Variants in CDKL5 observed in about 807,000 individuals in gnomAD.
The protein encoded by CDKL5 is cyclin-dependent kinase-like 5.
A neutral mutation model predicts 61.7 loss-of-function variants in CDKL5; 8 were observed. The observed-to-expected ratio is 0.13, with a 90% CI of 0.08 to 0.23. CDKL5 has a LOEUF of 0.23. Ranked by LOEUF, CDKL5 falls within the 10% of genes least tolerant of loss-of-function variation. The probability of loss-of-function intolerance (pLI) is 1.00; values close to 1 mark genes in which losing one functional copy is unlikely to be tolerated. For missense variants in CDKL5, 440 were observed against 734.5 expected, an observed-to-expected ratio of 0.60 and a Z score of 4.63; for synonymous variants, 275 against 272.3, an observed-to-expected ratio of 1.01 and a Z score of -0.10.
At chrX:18,575,569 C>T (rs1365985745) in intron 5 of CDKL5, 79 bp downstream of exon 5, 1 of 923,051 alleles carries the variant, frequency 1.1e-6, no homozygotes, top group African/African-American at 1.9e-5. Context: ...TAAGAAAGTA[C>T]TGTTATCTAA....
Position 18,634,028 on chromosome X carries a change from A to G in CDKL5, c.*5271A>G. Reference sequence around the variant, plus strand: ...GGGCCAGCAAAATTGCGGCAGTGAAACTAGTTTCACTTCTAAAGCCCTTCA... The same window carrying G: ...GGGCCAGCAAAATTGCGGCAGTGAAGCTAGTTTCACTTCTAAAGCCCTTCA... On this transcript the variant is annotated 3_prime_UTR_variant, in exon 18 of 18. Coordinates refer to ENST00000623535, the MANE Select transcript of CDKL5 (RefSeq NM_001323289.2). 1.3e-6 allele frequency: 1 copy of G among 753,984 alleles called. No individual in the cohort carries two copies. Among genetic ancestry groups the G allele is most frequent in the Non-Finnish European group, 1.6e-6 (1 of 639,292 alleles). 62.1% of individuals were successfully genotyped at this position (753,984 alleles called of 1,213,427 possible). A position where few individuals can be genotyped will look rare whatever the true frequency, so the allele number is the denominator to read the frequency against.
At chrX:18,536,432 G>GTTTTTTTTTTTTTTTTTTTTTTTTTTTTT (rs746308567) in intron 3 of CDKL5, among the ~76,000 whole-genome samples, 1 of 40,543 alleles carries the variant, frequency 2.5e-5, no homozygotes, top group African/African-American at 1.0e-4. Context: ...TTCAATACAG[G>GTTTTTTTTTTTTTTTTTTTTTTTTTTTTT]TTTTTTTTTT....
In CDKL5 at chrX:18,595,339, G is replaced by A. The variant is rs748712659; in HGVS notation, c.745-9G>A. 3 of 1,155,879 alleles carry A rather than the reference G, an allele frequency of 2.6e-6. No individual in the cohort carries two copies. Among genetic ancestry groups the A allele is most frequent in the South Asian group, 1.8e-5 (1 of 55,781 alleles). On this transcript the variant is annotated splice_polypyrimidine_tract_variant and intron_variant, in intron 9 of 17. Transcript: ENST00000623535. ...AAATGTTAACATTCCCTTTGTGTAT[G>A]TCTCACAGTTTCCAGCTGTTAACCA... is the stretch of plus-strand genomic sequence containing the variant.
Position 18,447,161 on chromosome X carries a change from C to T in CDKL5, c.-163+21466C>T, listed in dbSNP as rs766296735. Among the ~76,000 whole-genome samples the T allele has an allele frequency of 5.2e-4, 58 of 111,114 alleles. 1 individual carries two copies. The highest frequency in any genetic ancestry group is 9.8e-4 in the Non-Finnish European group (52 of 53,028). On this transcript the variant is annotated intron_variant, in intron 1 of 17. Transcript: ENST00000623535. The stretch of plus-strand genomic sequence containing the variant: ...TGATGCATGTGCTGCTAGCATCTAA[C>T]GGGTAGAGGCGTGTAGATATCCTAC...
downstream of CDKL5, chrX:18,641,890 G>T: frequency 2.4e-6 from 2 of 823,654 alleles, no homozygotes; most frequent in South Asian, 4.2e-5. Flanking sequence ...CAGCACTGCA[G>T]TTACAATTGC....
intron 3 of CDKL5, among the ~76,000 whole-genome samples, chrX:18,522,003 A>G (rs140845236): frequency 7.1e-4 from 79 of 111,799 alleles, no homozygotes; most frequent in African/African-American, 2.3e-3. Flanking sequence ...TTCTTTTTCA[A>G]TACTATTTTG....
intron 3 of CDKL5, among the ~76,000 whole-genome samples, chrX:18,518,385 C>CTTTTTTTTTTTTTTTTTTTTTTTTTTTT (rs1195931109): frequency 4.4e-5 from 1 of 22,794 alleles, no homozygotes; most frequent in African/African-American, 1.5e-4. Flanking sequence ...CTTTTCTTTT[C>CTTTTTTTTTTTTTTTTTTTTTTTTTTTT]TTATTTTTTT....
intron 3 of CDKL5, among the ~76,000 whole-genome samples, chrX:18,538,705 T>A (rs1192775028): frequency 8.9e-6 from 1 of 112,037 alleles, no homozygotes; most frequent in Non-Finnish European, 1.9e-5. Flanking sequence ...TCCATTGAGT[T>A]CCTTTTGCAG....
Position 18,628,483 on chromosome X carries a change from C to T in CDKL5, c.2609C>T (p.Ser870Phe). The change falls in exon 18 of 18, where the codon TCC (serine) becomes TTC (phenylalanine). Residue 870 changes from serine (S) to phenylalanine (F), a missense_variant. Coordinates refer to ENST00000623535, the MANE Select transcript of CDKL5 (RefSeq NM_001323289.2). ...TTAACAGCTCAACAAACCAAAAATT[C>T]CTTCTCAGAAATTCGGATTCACCCC... ...QPLTAQQTKNSFSEIRIHPLS... is the reference protein window; with the variant it reads ...QPLTAQQTKNFFSEIRIHPLS... 1.7e-6 allele frequency: 2 copies of T among 1,212,103 alleles called. No individual in the cohort carries two copies. Among genetic ancestry groups the T allele is most frequent in the Non-Finnish European group, 2.2e-6 (2 of 895,544 alleles).
Position 18,575,384 on chromosome X carries a change from G to A in CDKL5, c.176G>A (p.Arg59Gln), listed in dbSNP as rs1555949009. Residue 59 changes from arginine (R) to glutamine (Q), a missense_variant, in exon 5 of 18, where the codon CGA becomes CAA. Physicochemically the swap from Arg to Gln is conservative, Grantham distance 43 (BLOSUM62 1). Around this residue, in one of 2 missense-constraint regions of CDKL5, gnomAD observed 77 missense variants for 218.2 expected, o/e 0.35. Coordinates refer to ENST00000623535, the MANE Select transcript of CDKL5 (RefSeq NM_001323289.2). Reference protein sequence around the residue: ...ENEEVKETTLRELKMLRTLKQ... With the variant: ...ENEEVKETTLQELKMLRTLKQ... Reference sequence around the variant, plus strand: ...GAAGAAGTCAAAGAAACGACTTTACGAGAGCTTAAAATGCTTCGGACTCTC... The same window carrying A: ...GAAGAAGTCAAAGAAACGACTTTACAAGAGCTTAAAATGCTTCGGACTCTC... The A allele has an allele frequency of 8.3e-7, 1 of 1,206,841 alleles. No individual in the cohort carries two copies. Among genetic ancestry groups the A allele is most frequent in the Non-Finnish European group, 1.1e-6 (1 of 892,485 alleles).
rs1157464019 is a variant in CDKL5, at chrX:18,628,769, A to AG, written c.*18dup. On this transcript the variant is annotated 3_prime_UTR_variant, in exon 18 of 18. Coordinates refer to ENST00000623535, the MANE Select transcript of CDKL5 (RefSeq NM_001323289.2). Reference sequence around the variant, plus strand: ...AGACAGCCTTGTAATTTGTGCTGGTAGGGGGGAGGGGTGGACAGACAAGCC... The same window carrying AG: ...AGACAGCCTTGTAATTTGTGCTGGTAGGGGGGGAGGGGTGGACAGACAAGCC... 2 of 538,184 alleles carry AG rather than the reference A, an allele frequency of 3.7e-6. No homozygotes were observed. The highest frequency in any genetic ancestry group is 8.4e-5 in the South Asian group (1 of 11,838). The allele number at this position is 538,184 out of a possible 1,213,427, so 44.4% of individuals were successfully genotyped here. A position where few individuals can be genotyped will look rare whatever the true frequency, so the allele number is the denominator to read the frequency against.
chrX:18,652,572 A>G (rs761465910), intron 21 of CDKL5, among the ~76,000 whole-genome samples: 10 of 111,431 alleles, frequency 9.0e-5, no homozygotes, highest in Non-Finnish European at 1.9e-4. Flanking sequence ...GGGAGGCTGA[A>G]ACAGGAGAAT....
intron 2 of CDKL5, among the ~76,000 whole-genome samples, chrX:18,509,988 C>CA (rs898584660): frequency 1.2e-4 from 7 of 59,929 alleles, no homozygotes; most frequent in African/African-American, 2.6e-4. Flanking sequence ...CATGTCTCTA[C>CA]AAAAAAAACT....
Position 18,478,864 on chromosome X carries a change from C to T in CDKL5, c.-162-28071C>T, listed in dbSNP as rs1921432344. On this transcript the variant is annotated intron_variant, in intron 1 of 17. Coordinates refer to ENST00000623535, the MANE Select transcript of CDKL5 (RefSeq NM_001323289.2). ...TAGAGTAGCTGGGGCTACAGGTGTG[C>T]ACCACCATGCCCCGCCAATTTTTGT... Among the ~76,000 whole-genome samples the T allele has an allele frequency of 2.8e-5, 3 of 108,908 alleles. No individual in the cohort carries two copies. The Admixed American group carries it at 3.0e-4, about 11-fold the overall frequency. The allele number at this position is 108,908 out of a possible 115,157, so 94.6% of individuals were successfully genotyped here.
intron 3 of CDKL5, among the ~76,000 whole-genome samples, chrX:18,550,452 A>G (rs1924347277): frequency 8.9e-6 from 1 of 112,161 alleles, no homozygotes; most frequent in Non-Finnish European, 1.9e-5. Context: ...ATATAATGCA[A>G]GTTAAAGTCA....
At chrX:18,477,798 AATG>A (rs1265793952) in intron 1 of CDKL5, among the ~76,000 whole-genome samples, 7 of 112,394 alleles carry the variant, frequency 6.2e-5, no homozygotes, top group African/African-American at 1.9e-4. Context: ...ATGTTGTTAA[AATG>A]ATAACTTTAT....
At position 18,453,491 on chromosome X, in the gene CDKL5, G is replaced by A. The variant is rs138534007; in HGVS notation, c.-163+27796G>A. On this transcript the variant is annotated intron_variant, in intron 1 of 17. Transcript: ENST00000623535. ...TAATTCCAGTGTTCACAACTGGATT[G>A]TAAGGTACTTTAAAGAAAAGACCAT... 6.3e-3 allele frequency among the ~76,000 whole-genome samples: 706 copies of A among 111,762 alleles called. 8 individuals carry two copies. The highest frequency in any genetic ancestry group is 0.021 in the African/African-American group (657 of 30,824).
chrX:18,580,203 A>G (rs146009577), intron 6 of CDKL5, among the ~76,000 whole-genome samples: 1 of 112,217 alleles, frequency 8.9e-6, no homozygotes, highest in African/African-American at 3.2e-5. Context: ...TTACATTTGT[A>G]TAACTATTAT....
At chrX:18,434,138 G>A (rs765649350) in intron 1 of CDKL5, among the ~76,000 whole-genome samples, 103 of 112,106 alleles carry the variant, frequency 9.2e-4, no homozygotes, top group Non-Finnish European at 1.6e-3. Context: ...ATCAGCACAG[G>A]CTGATCCCCA....
Sources: gnomAD v4.1 joint callset for allele counts (sites outside exome capture counted in the v4.1 genomes callset) on GRCh38, gnomAD v4.1.1 for gene constraint, gnomAD v4.1.1 regional missense constraint, MANE v1.5 for transcripts, NCBI Gene and HGNC (gene_info 2026-07-23, HGNC 2026-07-21) for gene names.